GRM7: variants seen among roughly 807,000 people sequenced by gnomAD.
The protein encoded by GRM7 is glutamate metabotropic receptor 7.
A neutral mutation model predicts 84.5 loss-of-function variants in GRM7; 35 were observed. The observed-to-expected ratio is 0.41, with a 90% confidence interval of 0.32 to 0.55. GRM7 has a LOEUF of 0.55. Among genes scored for constraint, GRM7 ranks in the 20% least tolerant of loss-of-function variants. The pLI is 0.19. For missense variants in GRM7, 1,003 were observed against 1,194.6 expected (o/e 0.84, Z 2.36); for synonymous variants, 487 against 455.1 (o/e 1.07, Z -0.89).
intron 4 of GRM7, among the ~76,000 whole-genome samples, chr3:7,367,255 A>C (rs1559270553): frequency 6.6e-6 from 1 of 151,720 alleles, no homozygotes; most frequent in South Asian, 2.1e-4. Context: ...CTTTTTTCTC[A>C]GCTTGCTTAT....
At chr3:7,090,196 T>C (rs1254240883) in intron 1 of GRM7, among the ~76,000 whole-genome samples, 1 of 152,126 alleles carries the variant, frequency 6.6e-6, no homozygotes, top group Non-Finnish European at 1.5e-5. Context: ...TAAAACATTT[T>C]AAAAAGGAAT....
At chr3:7,000,070 A>G (rs542077026) in intron 1 of GRM7, among the ~76,000 whole-genome samples, 1 of 152,236 alleles carries the variant, frequency 6.6e-6, no homozygotes, top group South Asian at 2.1e-4. Flanking sequence ...AGGAGTTTAC[A>G]TAATATTTTT....
chr3:7,522,552 A>G (rs1003938044), intron 7 of GRM7, among the ~76,000 whole-genome samples: 5 of 152,086 alleles, frequency 3.3e-5, no homozygotes, highest in African/African-American at 1.2e-4. Context: ...ATCCACACAT[A>G]TACTTGGCAG....
chr3:7,337,068 A>G (rs1701448592), intron 4 of GRM7, among the ~76,000 whole-genome samples: 1 of 152,144 alleles, frequency 6.6e-6, no homozygotes, highest in African/African-American at 2.4e-5. Context: ...GTATAAAAAT[A>G]GGCACATAGA....
chr3:7,295,030 GT>G (rs1251956809), intron 2 of GRM7, among the ~76,000 whole-genome samples: 2 of 152,028 alleles, frequency 1.3e-5, no homozygotes, highest in African/African-American at 4.8e-5. Flanking sequence ...AATTTATCAC[GT>G]TTTTCTTTAT....
At chr3:6,955,764 C>G (rs1693018542) in intron 1 of GRM7, among the ~76,000 whole-genome samples, 1 of 151,232 alleles carries the variant, frequency 6.6e-6, no homozygotes, top group African/African-American at 2.4e-5. Context: ...ATCACATGAA[C>G]CCTTAAGGCA....
At chr3:7,379,649 A>G (rs1694505905) in intron 4 of GRM7, among the ~76,000 whole-genome samples, 1 of 152,234 alleles carries the variant, frequency 6.6e-6, no homozygotes, top group Admixed American at 6.5e-5. Flanking sequence ...GTTTTTATAA[A>G]TCTATAAAGA....
chr3:7,634,136 G>T (rs1347961668), intron 8 of GRM7, among the ~76,000 whole-genome samples: 1 of 152,042 alleles, frequency 6.6e-6, no homozygotes, highest in Non-Finnish European at 1.5e-5. Flanking sequence ...TTCTTTCCAT[G>T]CTCAGAATTA....
In GRM7 at chr3:7,056,805, G is replaced by A. The variant is rs184975834; in HGVS notation, c.520-89647G>A. Among the ~76,000 whole-genome samples the A allele has an allele frequency of 2.6e-3, 391 of 151,942 alleles. 2 individuals carry two copies. The highest frequency in any genetic ancestry group is 9.0e-3 in the African/African-American group (374 of 41,492). ...CAGAGAGAAAAACCTTGTGTATTTC[G>A]TTTTTAATAGTAGTATAATATTTAG... On this transcript the variant is annotated intron_variant, in intron 1 of 9. Transcript: ENST00000357716.
intron 7 of GRM7, among the ~76,000 whole-genome samples, chr3:7,507,581 C>T (rs1196952363): frequency 6.6e-6 from 1 of 152,152 alleles, no homozygotes; most frequent in Non-Finnish European, 1.5e-5. Context: ...AGGCCAAGTC[C>T]TCTCTTAATG....
intron 1 of GRM7, among the ~76,000 whole-genome samples, chr3:7,020,177 A>G (rs1046468006): frequency 6.6e-6 from 1 of 152,188 alleles, no homozygotes; most frequent in Admixed American, 6.5e-5. Context: ...AAATGTGCAA[A>G]TCTCCCAATA....
intron 9 of GRM7, chr3:7,693,754 T>A: frequency 1.1e-6 from 1 of 936,364 alleles, no homozygotes; most frequent in Non-Finnish European, 1.7e-6. Flanking sequence ...CCAATGAACT[T>A]AATGATGAGT....
intron 2 of GRM7, among the ~76,000 whole-genome samples, chr3:7,285,660 G>T (rs1699406781): frequency 6.6e-6 from 1 of 152,062 alleles, no homozygotes; most frequent in Non-Finnish European, 1.5e-5. Flanking sequence ...AGGCCAGAAT[G>T]TGTGCGTTCT....
chr3:6,901,368 G>A (rs1696374406), intron 1 of GRM7, among the ~76,000 whole-genome samples: 1 of 152,040 alleles, frequency 6.6e-6, no homozygotes, highest in Non-Finnish European at 1.5e-5. Flanking sequence ...GGGAGGCCAA[G>A]GTGGGTGGAT....
chr3:7,465,215 G>A (rs1698413285), intron 7 of GRM7, among the ~76,000 whole-genome samples: 1 of 152,086 alleles, frequency 6.6e-6, no homozygotes, highest in Non-Finnish European at 1.5e-5. Context: ...GGAAAAACAG[G>A]CACGCTCAGG....
At chr3:6,918,524 C>G (rs1053265778) in intron 1 of GRM7, among the ~76,000 whole-genome samples, 2 of 152,170 alleles carry the variant, frequency 1.3e-5, no homozygotes, top group Non-Finnish European at 2.9e-5. Context: ...GTTTCTTAAC[C>G]TCTTGATGCC....
chr3:7,497,247 A>G (rs1276717207), intron 7 of GRM7, among the ~76,000 whole-genome samples: 2 of 152,144 alleles, frequency 1.3e-5, no homozygotes, highest in Non-Finnish European at 2.9e-5. Context: ...AATTTATGTC[A>G]TCTCAATAAA....
chr3:7,060,214 T>C (rs1697386452), intron 1 of GRM7, among the ~76,000 whole-genome samples: 1 of 151,798 alleles, frequency 6.6e-6, no homozygotes, highest in Non-Finnish European at 1.5e-5. Context: ...GTGTATCCAG[T>C]CAAATTAAAT....
At chr3:7,371,767 G>A (rs575720807) in intron 4 of GRM7, among the ~76,000 whole-genome samples, 1 of 152,250 alleles carries the variant, frequency 6.6e-6, no homozygotes, top group Admixed American at 6.5e-5. Flanking sequence ...AACAGCCCAT[G>A]AGTTTAATCC....
Sources: allele counts gnomAD v4.1 joint callset (sites outside exome capture counted in the v4.1 genomes callset), GRCh38; gene constraint gnomAD v4.1.1; transcripts MANE v1.5; gene names NCBI Gene and HGNC (gene_info 2026-07-23, HGNC 2026-07-21).